The following FAM222B variants were observed in gnomAD, a reference collection of about 807,000 sequenced individuals.
FAM222B encodes the protein family with sequence similarity 222 member B.
In FAM222B, 12 loss-of-function variants were observed where a neutral mutation model predicts 38.0. The observed-to-expected ratio is 0.32, with a 90% CI of 0.20 to 0.51. FAM222B has a LOEUF of 0.51. Among genes scored for constraint, FAM222B ranks in the 20% least tolerant of loss-of-function variants. FAM222B has a pLI of 0.97. For missense variants in FAM222B, 716 were observed against 754.2 expected, an observed-to-expected ratio of 0.95 and a Z score of 0.59; for synonymous variants, 329 against 317.2, an observed-to-expected ratio of 1.04 and a Z score of -0.40.
upstream of FAM222B, among the ~76,000 whole-genome samples, chr17:28,847,363 G>A (rs1332212492): frequency 6.6e-6 from 1 of 151,822 alleles, no homozygotes; most frequent in Non-Finnish European, 1.5e-5. Context: ...GGGAGGCTGA[G>A]GCAGGCGGAT....
Position 28,759,878 on chromosome 17 carries a change from T to G in FAM222B, c.83-2A>C. Reference sequence around the variant, plus strand: ...TTCTCATTTTCTGTGTAGTGTCCCCTAGAGAGAGAGAATGGGAAGGAGAGC... The same window carrying G: ...TTCTCATTTTCTGTGTAGTGTCCCCGAGAGAGAGAGAATGGGAAGGAGAGC... On this transcript the variant is annotated splice_acceptor_variant, in intron 2 of 2. Coordinates refer to ENST00000581407, the MANE Select transcript of FAM222B (RefSeq NM_001077498.3). LOFTEE classifies it high-confidence loss of function. The surrounding 1 kb of genome is among the most constrained non-coding windows in gnomAD (Gnocchi z 4.8). The G allele has an allele frequency of 6.6e-7, 1 of 1,518,266 alleles. No individual in the cohort carries two copies. The highest frequency in any genetic ancestry group is 1.3e-5 in the South Asian group (1 of 78,378). 94.0% of individuals were successfully genotyped at this position (1,518,266 alleles called of 1,614,324 possible).
chr17:28,832,050 C>T (rs559361607), intron 1 of FAM222B, among the ~76,000 whole-genome samples: 91 of 152,156 alleles, frequency 6.0e-4, no homozygotes, highest in Non-Finnish European at 1.2e-3. Flanking sequence ...ATTAGCCAGG[C>T]GTGGTGGCAG....
At chr17:28,782,481 G>A (rs1047889504) in intron 1 of FAM222B, among the ~76,000 whole-genome samples, 1 of 152,120 alleles carries the variant, frequency 6.6e-6, no homozygotes, top group Non-Finnish European at 1.5e-5. Context: ...TCCCAAAGGA[G>A]GAAAATGGTT....
chr17:28,771,926 G>A (rs538516428), intron 1 of FAM222B, among the ~76,000 whole-genome samples: 6 of 152,138 alleles, frequency 3.9e-5, no homozygotes, highest in African/African-American at 9.6e-5. Flanking sequence ...GTTTGGTGGC[G>A]GGCACCTGCA....
At chr17:28,826,339 G>T (rs2038439250) in intron 1 of FAM222B, among the ~76,000 whole-genome samples, 1 of 151,738 alleles carries the variant, frequency 6.6e-6, no homozygotes, top group South Asian at 2.1e-4. Context: ...TAAAGTGCTG[G>T]GTTTACAGGC....
intron 1 of FAM222B, among the ~76,000 whole-genome samples, chr17:28,831,125 GCTGGGACTA>G (rs1376840017): frequency 1.3e-5 from 2 of 151,426 alleles, no homozygotes; most frequent in Non-Finnish European, 2.9e-5. Flanking sequence ...CTCCTGAGTA[GCTGGGACTA>G]CAGGTGCTCA....
intron 1 of FAM222B, among the ~76,000 whole-genome samples, chr17:28,798,659 G>C (rs2037059275): frequency 1.3e-5 from 2 of 149,932 alleles, no homozygotes; most frequent in Non-Finnish European, 3.0e-5. Flanking sequence ...TTTTGAAACG[G>C]AGTCTTGCTC....
rs558103095 is a variant in FAM222B at position 28,778,717 on chromosome 17, A to G, written c.-40-12010T>C. Among the ~76,000 whole-genome samples, 12 of 58,400 alleles carry G rather than the reference A, an allele frequency of 2.1e-4. 2 individuals carry two copies. The South Asian group carries it at 3.8e-3, about 19-fold the overall frequency. The allele number at this position is 58,400 out of a possible 152,430, so 38.3% of individuals were successfully genotyped here. A position where few individuals can be genotyped will look rare whatever the true frequency, so the allele number is the denominator to read the frequency against. On this transcript the variant is annotated intron_variant, in intron 1 of 2. Transcript: ENST00000581407. Reference sequence around the variant, plus strand: ...TGTGTGTATATATATATATATATATATATTTTTTTTTTTTTTTTTTTTTTT... The same window carrying G: ...TGTGTGTATATATATATATATATATGTATTTTTTTTTTTTTTTTTTTTTTT...
At chr17:28,820,973 T>TTTG in intron 1 of FAM222B, among the ~76,000 whole-genome samples, 1 of 151,100 alleles carries the variant, frequency 6.6e-6, no homozygotes, top group Non-Finnish European at 1.5e-5. Context: ...TTTTTTTTTT[T>TTTG]TGAGATGGAC....
At chr17:28,842,008 T>C (rs777775444) in intron 1 of FAM222B, among the ~76,000 whole-genome samples, 1 of 152,200 alleles carries the variant, frequency 6.6e-6, no homozygotes, top group Non-Finnish European at 1.5e-5. Context: ...TCCACTAACA[T>C]TGTTGGTGAT....
intron 1 of FAM222B, among the ~76,000 whole-genome samples, chr17:28,811,142 T>C (rs1012726915): frequency 2.0e-5 from 3 of 152,168 alleles, no homozygotes; most frequent in African/African-American, 7.2e-5. Context: ...ACACGTTTCG[T>C]TGAAAATGCC....
chr17:28,794,580 C>CA (rs1430758946), intron 1 of FAM222B, among the ~76,000 whole-genome samples: 1 of 151,936 alleles, frequency 6.6e-6, no homozygotes, highest in East Asian at 1.9e-4. Flanking sequence ...TAAGAAGTAA[C>CA]AAAAAAATCC....
At chr17:28,794,514 C>T (rs544819011) in intron 1 of FAM222B, among the ~76,000 whole-genome samples, 1 of 152,168 alleles carries the variant, frequency 6.6e-6, no homozygotes, top group South Asian at 2.1e-4. Context: ...GCCACAGTGC[C>T]CGGCCTGTCT....
chr17:28,772,723 C>T (rs985331055), intron 1 of FAM222B, among the ~76,000 whole-genome samples: 1 of 152,010 alleles, frequency 6.6e-6, no homozygotes, highest in African/African-American at 2.4e-5. Context: ...GGTGAAACCC[C>T]ATCTCTACTA....
At chr17:28,850,677 CTGTT>C (rs1294407755) in intron 1 of FAM222B, among the ~76,000 whole-genome samples, 1 of 152,030 alleles carries the variant, frequency 6.6e-6, no homozygotes, top group Non-Finnish European at 1.5e-5. Flanking sequence ...TATTTTTGTT[CTGTT>C]TGTTCTGTTT....
At chr17:28,822,204 T>C (rs2038250568) in intron 1 of FAM222B, among the ~76,000 whole-genome samples, 1 of 150,860 alleles carries the variant, frequency 6.6e-6, no homozygotes, top group Non-Finnish European at 1.5e-5. Flanking sequence ...ATATTTTTAG[T>C]ACAGACGGGG....
At chr17:28,804,404 G>A (rs935386657) in intron 1 of FAM222B, among the ~76,000 whole-genome samples, 62 of 151,910 alleles carry the variant, frequency 4.1e-4, no homozygotes, top group African/African-American at 1.4e-3. Context: ...GCGCGATCTC[G>A]GCTCACCGCA....
chr17:28,835,625 A>T (rs2038818416), intron 1 of FAM222B, among the ~76,000 whole-genome samples: 1 of 152,200 alleles, frequency 6.6e-6, no homozygotes, highest in Admixed American at 6.5e-5. Flanking sequence ...TAGTTCCCAG[A>T]AAATTGGTAA....
chr17:28,782,295 C>T (rs977284542), intron 1 of FAM222B, among the ~76,000 whole-genome samples: 1 of 152,046 alleles, frequency 6.6e-6, no homozygotes, highest in Non-Finnish European at 1.5e-5. Context: ...GCACTCCAGC[C>T]TGGGTGACAC....
Sources: allele counts gnomAD v4.1 joint callset (sites outside exome capture counted in the v4.1 genomes callset), GRCh38; gene constraint gnomAD v4.1.1; non-coding constraint Gnocchi (gnomAD v3.1); transcripts MANE v1.5; gene names NCBI Gene and HGNC (gene_info 2026-07-23, HGNC 2026-07-21).